Variants in MAK observed in about 807,000 individuals in gnomAD.
MAK encodes serine/threonine-protein kinase MAK.
MAK carries 65 observed loss-of-function variants against 82.6 expected under a neutral mutation model. That is an observed-to-expected ratio of 0.79 (90% CI 0.64 to 0.97). The LOEUF (loss-of-function observed/expected upper bound fraction) is 0.97, where lower values mean the gene tolerates loss of function less well. MAK is among the 50% of genes least tolerant of loss of function. The pLI is 0.00. For missense variants in MAK, 703 were observed against 780.2 expected (o/e 0.90, Z 1.18); for synonymous variants, 250 against 274.2 (o/e 0.91, Z 0.87).
chr6:10,804,916 T>C (rs969690469), intron 6 of MAK, among the ~76,000 whole-genome samples: 2 of 152,158 alleles, frequency 1.3e-5, no homozygotes, highest in African/African-American at 4.8e-5. Context: ...AAGAAAGGCA[T>C]TTCTGGCTGG....
chr6:10,801,867 G>T, intron 8 of MAK, 25 bp downstream of exon 8: 1 of 1,611,130 alleles, frequency 6.2e-7, no homozygotes, highest in Non-Finnish European at 8.5e-7. Context: ...CATTTTTAAA[G>T]GTCTAACAGG....
chr6:10,762,882 A>T lies in MAK; in HGVS notation c.*1570T>A, dbSNP rs1772083118. Reference sequence around the variant, plus strand: ...ATTTTAACATTTTTCAACATCTTACATCTGAACAGTTGACTCTTCTATACA... The same window carrying T: ...ATTTTAACATTTTTCAACATCTTACTTCTGAACAGTTGACTCTTCTATACA... On this transcript the variant is annotated 3_prime_UTR_variant, in exon 15 of 15. Coordinates refer to ENST00000354489, the MANE Select transcript of MAK (RefSeq NM_001242957.3). 6.6e-6 allele frequency: 1 copy of T among 152,604 alleles called. No individual in the cohort carries two copies. The allele number at this position is 152,604 out of a possible 1,614,324, so 9.5% of individuals were successfully genotyped here. A position where few individuals can be genotyped will look rare whatever the true frequency, so the allele number is the denominator to read the frequency against.
intron 14 of MAK, among the ~76,000 whole-genome samples, chr6:10,766,300 T>G (rs1197806859): frequency 1.3e-5 from 2 of 152,240 alleles, no homozygotes; most frequent in Non-Finnish European, 2.9e-5. Flanking sequence ...GGGAATTCTG[T>G]GAGCATGTGG....
At chr6:10,796,418 C>T (rs1775568948) in intron 8 of MAK, 109 bp from the exon 9 acceptor site, 1 of 854,538 alleles carries the variant, frequency 1.2e-6, no homozygotes, top group Non-Finnish European at 1.9e-6. Context: ...CCCACATGAG[C>T]TTCAAAGATT....
intron 12 of MAK, among the ~76,000 whole-genome samples, chr6:10,773,553 A>G (rs1226188849): frequency 6.6e-6 from 1 of 152,212 alleles, no homozygotes; most frequent in Non-Finnish European, 1.5e-5. Context: ...TATCACCTAC[A>G]TTAAAAAACA....
chr6:10,801,766 G>C lies in MAK; in HGVS notation c.831+126C>G, dbSNP rs1387046745. On this transcript the variant is annotated intron_variant, in intron 8 of 14. Coordinates refer to ENST00000354489, the MANE Select transcript of MAK (RefSeq NM_001242957.3). ...ATTTATTACATACGCTGGATGCCTAGGACTTTGTGTTTAATTCTCTTAGTA... is the reference window on the plus strand; with the variant it reads ...ATTTATTACATACGCTGGATGCCTACGACTTTGTGTTTAATTCTCTTAGTA... The C allele has an allele frequency of 3.6e-6, 3 of 840,638 alleles. No homozygotes were observed. The East Asian group carries it at 7.6e-5, about 21-fold the overall frequency. The allele number at this position is 840,638 out of a possible 1,614,324, so 52.1% of individuals were successfully genotyped here.
intron 2 of MAK, among the ~76,000 whole-genome samples, chr6:10,823,063 C>T (rs375848228): frequency 1.3e-5 from 2 of 152,254 alleles, no homozygotes; most frequent in African/African-American, 2.4e-5. Context: ...ATTTCTAGAC[C>T]GCTCAAAAGG....
intron 13 of MAK, among the ~76,000 whole-genome samples, chr6:10,772,715 A>C (rs1369783669): frequency 6.6e-6 from 1 of 152,170 alleles, no homozygotes; most frequent in East Asian, 1.9e-4. Context: ...AATTCCAGGA[A>C]TATAGATCGC....
chr6:10,832,522 C>T (rs1562011167), intron 1 of MAK, among the ~76,000 whole-genome samples: 1 of 152,232 alleles, frequency 6.6e-6, no homozygotes, highest in Non-Finnish European at 1.5e-5. Context: ...CAGCCATCAA[C>T]ACAGAGGCAA....
chr6:10,830,718 TCTTAATTTTTATTTG>T lies in MAK; in HGVS notation c.-85_-71del. 1 of 1,228,442 alleles carries T rather than the reference TCTTAATTTTTATTTG, an allele frequency of 8.1e-7. No individual in the cohort carries two copies. The highest frequency in any genetic ancestry group is 1.2e-6 in the Non-Finnish European group (1 of 830,086). The allele number at this position is 1,228,442 out of a possible 1,614,324, so 76.1% of individuals were successfully genotyped here. ...CTTGTTGAATATAAATTTGAACGCTTCTTAATTTTTATTTGCTTTTGTCCTCACACTGTTGTTGCT... is the reference window on the plus strand; with the variant it reads ...CTTGTTGAATATAAATTTGAACGCTTCTTTTGTCCTCACACTGTTGTTGCT... On this transcript the variant is annotated 5_prime_UTR_variant, in exon 2 of 15. Transcript: ENST00000354489.
At chr6:10,814,952 G>A (rs897960204) in intron 4 of MAK, among the ~76,000 whole-genome samples, 5 of 151,514 alleles carry the variant, frequency 3.3e-5, no homozygotes, top group Non-Finnish European at 5.9e-5. Context: ...CAGAAAAATC[G>A]CTTGAACCCG....
At chr6:10,791,260 AT>A (rs1775055432) in intron 10 of MAK, among the ~76,000 whole-genome samples, 2 of 151,574 alleles carry the variant, frequency 1.3e-5, no homozygotes, top group Admixed American at 6.6e-5. Flanking sequence ...TATTAAGCAA[AT>A]TTTTTTCTTT....
intron 8 of MAK, among the ~76,000 whole-genome samples, chr6:10,798,584 C>G (rs1295055095): frequency 1.3e-5 from 2 of 151,602 alleles, no homozygotes; most frequent in African/African-American, 4.8e-5. Flanking sequence ...AATTTAACAC[C>G]CAGAGACAAC....
chr6:10,786,350 G>A (rs1034216361), intron 10 of MAK, among the ~76,000 whole-genome samples: 1 of 152,146 alleles, frequency 6.6e-6, no homozygotes, highest in Admixed American at 6.5e-5. Context: ...CTGCCTGAGA[G>A]ACCAAGCAGG....
intron 11 of MAK, among the ~76,000 whole-genome samples, chr6:10,777,408 C>CAAAA (rs57082378): frequency 7.3e-6 from 1 of 137,776 alleles, no homozygotes. Flanking sequence ...AAGACTGTCA[C>CAAAA]AAAAAAAAAA....
At chr6:10,787,503 CATA>C (rs1386574584) in intron 10 of MAK, among the ~76,000 whole-genome samples, 3 of 152,078 alleles carry the variant, frequency 2.0e-5, no homozygotes, top group Non-Finnish European at 4.4e-5. Flanking sequence ...TAATGATGAT[CATA>C]ATAATAACCA....
chr6:10,808,960 A>G lies in MAK; in HGVS notation c.359-18T>C, dbSNP rs2127565046. The G allele has an allele frequency of 5.1e-6, 8 of 1,574,864 alleles. No homozygotes were observed. The highest frequency in any genetic ancestry group is 5.2e-6 in the Non-Finnish European group (6 of 1,147,148). On this transcript the variant is annotated intron_variant, in intron 5 of 14. Coordinates refer to ENST00000354489, the MANE Select transcript of MAK (RefSeq NM_001242957.3). ...AAAAAAGCCTTGATGATATACGGAG[A>G]AAAAAAAATACAGTAAATCATTACG...
chr6:10,837,246 AG>A (rs1779203573), intron 1 of MAK, among the ~76,000 whole-genome samples: 1 of 152,276 alleles, frequency 6.6e-6, no homozygotes, highest in African/African-American at 2.4e-5. Context: ...CAGGAAAAAA[AG>A]ATCCCAAACT....
intron 9 of MAK, among the ~76,000 whole-genome samples, chr6:10,795,746 AAAAAAG>A (rs1266327448): frequency 2.0e-5 from 3 of 152,198 alleles, no homozygotes; most frequent in Non-Finnish European, 4.4e-5. Flanking sequence ...CTCCGTCTCA[AAAAAAG>A]AAAAAGAAAA....
Sources: allele counts gnomAD v4.1 joint callset (sites outside exome capture counted in the v4.1 genomes callset), GRCh38; gene constraint gnomAD v4.1.1; transcripts MANE v1.5; gene names NCBI Gene and HGNC (gene_info 2026-07-23, HGNC 2026-07-21).